Variants in LRRC31 observed in about 807,000 individuals in gnomAD.
The protein encoded by LRRC31 is leucine rich repeat containing 31.
Under a neutral mutation model 46.7 loss-of-function variants are expected in LRRC31, and 35 were observed. The ratio of observed to expected loss-of-function variants is 0.75; its 90% CI spans 0.57 to 0.99. The LOEUF (loss-of-function observed/expected upper bound fraction) is 0.99. Ranked by LOEUF, LRRC31 falls within the 50% of genes least tolerant of loss-of-function variation. The pLI is 0.00. For synonymous variants in LRRC31, 236 were observed against 235.1 expected, an observed-to-expected ratio of 1.00 and a Z score of -0.03; for missense variants, 613 against 626.1, an observed-to-expected ratio of 0.98 and a Z score of 0.22.
chr3:169,842,002 G>T (rs1428296432), intron 8 of LRRC31, among the ~76,000 whole-genome samples: 1 of 152,040 alleles, frequency 6.6e-6, no homozygotes, highest in Non-Finnish European at 1.5e-5. Flanking sequence ...CCAAGATCGT[G>T]CCACTGCACT....
At chr3:169,860,016 C>T (rs1334882060) in intron 3 of LRRC31, among the ~76,000 whole-genome samples, 3 of 151,580 alleles carry the variant, frequency 2.0e-5, no homozygotes, top group Non-Finnish European at 2.9e-5. Context: ...TGATGGTTCA[C>T]ACCTGTAATC....
chr3:169,857,317 C>CATAT (rs1560629829), intron 3 of LRRC31, among the ~76,000 whole-genome samples: 12 of 55,586 alleles, frequency 2.2e-4, no homozygotes, highest in African/African-American at 7.8e-4. Context: ...ATATCACATG[C>CATAT]CTATATATAT....
chr3:169,858,333 T>C (rs1781035509), intron 3 of LRRC31, among the ~76,000 whole-genome samples: 1 of 152,164 alleles, frequency 6.6e-6, no homozygotes, highest in Admixed American at 6.5e-5. Context: ...GGGCAGAAAT[T>C]TCATTTTCTT....
In LRRC31 at chr3:169,839,828, T is replaced by C. The variant is rs1780392151; in HGVS notation, c.*154A>G. ...TGTGTATATATGTATATTACATATA[T>C]ATATGTAATATATATATATATTTAC... is the stretch of plus-strand genomic sequence containing the variant. On this transcript the variant is annotated 3_prime_UTR_variant, in exon 9 of 9. Transcript: ENST00000316428. 1 of 227,246 alleles carries C rather than the reference T, an allele frequency of 4.4e-6. No individual in the cohort carries two copies. The highest frequency in any genetic ancestry group is 8.2e-6 in the Non-Finnish European group (1 of 121,998). The allele number at this position is 227,246 out of a possible 1,614,324, so 14.1% of individuals were successfully genotyped here.
At chr3:169,858,097 T>G (rs1050347688) in intron 3 of LRRC31, among the ~76,000 whole-genome samples, 2 of 152,200 alleles carry the variant, frequency 1.3e-5, no homozygotes, top group Non-Finnish European at 2.9e-5. Flanking sequence ...GCCTTCTGAT[T>G]TATGTTCTCT....
At chr3:169,856,548 G>A in intron 4 of LRRC31, 45 bp from the exon 5 acceptor site, 1 of 1,521,914 alleles carries the variant, frequency 6.6e-7, no homozygotes, top group Non-Finnish European at 8.9e-7. Flanking sequence ...TAGGAGGGGA[G>A]TGGAGTTTTA....
At chr3:169,867,028 T>C (rs1337862851) in intron 1 of LRRC31, among the ~76,000 whole-genome samples, 2 of 144,414 alleles carry the variant, frequency 1.4e-5, no homozygotes, top group Non-Finnish European at 3.0e-5. Context: ...AGAAAGAAAA[T>C]TGGCCATGGG....
rs1341657789 is a variant in LRRC31, at chr3:169,860,615, T to A, written c.433A>T (p.Lys145Ter). The change falls in exon 3 of 9, where the codon AAA becomes TAA. Residue 145 changes from lysine to a stop codon, truncating the protein, a stop_gained. Transcript: ENST00000316428. LOFTEE classifies it high-confidence loss of function. ...TQQMHLVSKL[K>*]ILRLGSCRLT... ...CTGCAGCTACCCAGCCTCAAGATTTTTAACTTGCTGACCAGATGCATTTGC... is the reference window on the plus strand; with the variant it reads ...CTGCAGCTACCCAGCCTCAAGATTTATAACTTGCTGACCAGATGCATTTGC... 6.2e-6 allele frequency: 10 copies of A among 1,614,062 alleles called. No homozygotes were observed. Among genetic ancestry groups the A allele is most frequent in the Non-Finnish European group, 8.5e-6 (10 of 1,180,036 alleles).
At chr3:169,859,384 A>G (rs1781078650) in intron 3 of LRRC31, among the ~76,000 whole-genome samples, 1 of 151,868 alleles carries the variant, frequency 6.6e-6, no homozygotes, top group Non-Finnish European at 1.5e-5. Context: ...CTCCTCAGCT[A>G]CAGGAGGCAT....
At chr3:169,854,274 C>T (rs1420095508) in intron 6 of LRRC31, among the ~76,000 whole-genome samples, 5 of 152,160 alleles carry the variant, frequency 3.3e-5, no homozygotes, top group South Asian at 2.1e-4. Context: ...CTCAAGGCTA[C>T]GCTTGCTCTG....
rs755230073 is a variant in LRRC31, at chr3:169,840,169, C to G, written c.1472G>C (p.Arg491Pro). The change falls in exon 9 of 9, where the codon CGA (arginine) becomes CCA (proline). Residue 491 changes from arginine (R) to proline (P), a missense_variant. Coordinates refer to ENST00000316428, the MANE Select transcript of LRRC31 (RefSeq NM_024727.4). ...KELIELDISLRPSNFRDCGQW... is the reference protein window; with the variant it reads ...KELIELDISLPPSNFRDCGQW... ...TCCACAATCTCGAAAATTTGATGGT[C>G]GAAGGCTAATATCCAGCTCGATTAG... 6.2e-7 allele frequency: 1 copy of G among 1,614,090 alleles called. No individual in the cohort carries two copies. The highest frequency in any genetic ancestry group is 1.7e-5 in the Admixed American group (1 of 60,004).
intron 1 of LRRC31, among the ~76,000 whole-genome samples, chr3:169,864,001 A>AGTGTGTGTGTGTGTGTGTGTGTGT (rs35795931): frequency 1.1e-4 from 16 of 148,618 alleles, no homozygotes; most frequent in African/African-American, 4.0e-4. Flanking sequence ...TCCAAAGCCT[A>AGTGTGTGTGTGTGTGTGTGTGTGT]GTGTGTGTGT....
chr3:169,854,965 T>C lies in LRRC31; in HGVS notation c.839A>G (p.Tyr280Cys), dbSNP rs561151474. Residue 280 changes from tyrosine to cysteine, a missense_variant, in exon 6 of 9, where the codon TAT (tyrosine) becomes TGT (cysteine). Coordinates refer to ENST00000316428, the MANE Select transcript of LRRC31 (RefSeq NM_024727.4). ...ATCTAATTTCCTCAGCTCACCCAAA[T>C]ACCTAAAAGCAGCATCTACAAAGAA... ...SVKILDAAFRYLGELRKLDLS... is the reference protein window; with the variant it reads ...SVKILDAAFRCLGELRKLDLS... The C allele has an allele frequency of 1.2e-6, 2 of 1,609,976 alleles. No homozygotes were observed. The highest frequency in any genetic ancestry group is 1.3e-5 in the African/African-American group (1 of 74,828).
At chr3:169,845,961 A>G (rs1306671212) in intron 8 of LRRC31, among the ~76,000 whole-genome samples, 1 of 152,224 alleles carries the variant, frequency 6.6e-6, no homozygotes, top group Non-Finnish European at 1.5e-5. Context: ...TTTCTGATAA[A>G]GGACTTACTT....
At chr3:169,861,993 G>T (rs1159907557) in intron 1 of LRRC31, among the ~76,000 whole-genome samples, 180 bp from the exon 2 acceptor site, 1 of 152,140 alleles carries the variant, frequency 6.6e-6, no homozygotes, top group Non-Finnish European at 1.5e-5. Context: ...TGTTCCTGCC[G>T]CCAGGTGCCC....
chr3:169,857,005 A>G (rs534448345), intron 3 of LRRC31, 133 bp from the exon 4 acceptor site: 13 of 749,412 alleles, frequency 1.7e-5, no homozygotes, highest in Non-Finnish European at 2.2e-5. Context: ...GCACCGAGGA[A>G]CAGAGAGAAG....
At chr3:169,848,664 GC>G (rs1366048198) in intron 7 of LRRC31, among the ~76,000 whole-genome samples, 2 of 152,110 alleles carry the variant, frequency 1.3e-5, no homozygotes, top group Admixed American at 6.6e-5. Context: ...TCACCATGTT[GC>G]CCAGGATGGT....
chr3:169,858,800 T>C (rs1291169266), intron 3 of LRRC31, among the ~76,000 whole-genome samples: 1 of 151,758 alleles, frequency 6.6e-6, no homozygotes, highest in Non-Finnish European at 1.5e-5. Flanking sequence ...AGTCAGGAGT[T>C]CAAAACCAGC....
intron 8 of LRRC31, among the ~76,000 whole-genome samples, chr3:169,843,884 C>T (rs927461168): frequency 2.6e-5 from 4 of 152,162 alleles, no homozygotes; most frequent in Admixed American, 2.0e-4. Context: ...ACTATCAGAA[C>T]TTGCTTAAGA....
Sources: allele counts gnomAD v4.1 joint callset (sites outside exome capture counted in the v4.1 genomes callset), GRCh38; gene constraint gnomAD v4.1.1; transcripts MANE v1.5; gene names NCBI Gene and HGNC (gene_info 2026-07-23, HGNC 2026-07-21).